Variants in CENPK observed in about 807,000 individuals in gnomAD.
CENPK encodes centromere protein K.
CENPK carries 46 observed loss-of-function variants against 40.9 expected under a neutral mutation model. The observed-to-expected ratio is 1.13, with a 90% CI of 0.89 to 1.44. The LOEUF (loss-of-function observed/expected upper bound fraction) is 1.44, where lower values mean the gene tolerates loss of function less well. Ranked by LOEUF, CENPK falls within the 40% of genes most tolerant of loss-of-function variation. The probability of loss-of-function intolerance (pLI) is 0.00; values close to 1 mark genes in which losing one functional copy is unlikely to be tolerated. For missense variants in CENPK, 288 were observed against 303.5 expected, an observed-to-expected ratio of 0.95 and a Z score of 0.38; for synonymous variants, 107 against 104.4, an observed-to-expected ratio of 1.02 and a Z score of -0.15.
intron 10 of CENPK, among the ~76,000 whole-genome samples, chr5:65,520,968 C>T (rs1162144088): frequency 1.3e-5 from 2 of 152,036 alleles, no homozygotes; most frequent in Non-Finnish European, 2.9e-5. Context: ...TATGTCAAAT[C>T]AGAGAAAGTT....
rs919152018 is a variant in CENPK at position 65,518,571 on chromosome 5, A to C, written c.714T>G (p.Phe238Leu). ...HDPYVKISDS[F>L]WPPYVELLLR... ...GCAGCAGCTCAACATAAGGTGGCCA[A>C]AAGGAATCACTAATTTTGACATATG... Residue 238 changes from phenylalanine to leucine, a missense_variant, in exon 11 of 11, where the codon TTT becomes TTG. Physicochemically the swap from Phe to Leu is conservative, Grantham distance 22. Transcript: ENST00000396679. 8 of 1,610,856 alleles carry C rather than the reference A, an allele frequency of 5.0e-6. No individual in the cohort carries two copies. The Admixed American group carries it at 1.3e-4, about 27-fold the overall frequency.
Position 65,531,544 on chromosome 5 carries a change from G to A in CENPK, c.289-2345C>T, listed in dbSNP as rs184782925. On this transcript the variant is annotated intron_variant, in intron 6 of 10. Coordinates refer to ENST00000396679, the MANE Select transcript of CENPK (RefSeq NM_022145.5). ...TTTTGAGACGGAATCTCGCTCTGTC[G>A]TTAGGCTGGAGTGCAGTGGCACTAT... 2.4e-3 allele frequency among the ~76,000 whole-genome samples: 362 copies of A among 149,132 alleles called. 2 individuals are homozygous for A. The highest frequency in any genetic ancestry group is 8.2e-3 in the African/African-American group (331 of 40,398).
intron 6 of CENPK, among the ~76,000 whole-genome samples, chr5:65,532,632 G>A (rs1423914692): frequency 6.6e-6 from 1 of 152,052 alleles, no homozygotes; most frequent in Non-Finnish European, 1.5e-5. Flanking sequence ...GTAGAGATGG[G>A]ACGGTGGTGG....
intron 2 of CENPK, among the ~76,000 whole-genome samples, chr5:65,557,981 T>C (rs1284050299): frequency 6.6e-6 from 1 of 152,194 alleles, no homozygotes; most frequent in Non-Finnish European, 1.5e-5. Flanking sequence ...AGCACATGCC[T>C]GTATTCCAAG....
chr5:65,537,056 G>T (rs898885634), intron 6 of CENPK, among the ~76,000 whole-genome samples: 2 of 152,108 alleles, frequency 1.3e-5, no homozygotes, highest in African/African-American at 4.8e-5. Context: ...CAGTAAGATG[G>T]CCTTCCCTCA....
intron 9 of CENPK, among the ~76,000 whole-genome samples, chr5:65,525,441 T>C (rs1190430178): frequency 6.6e-6 from 1 of 152,178 alleles, no homozygotes; most frequent in Non-Finnish European, 1.5e-5. Flanking sequence ...CATCCATCAA[T>C]CCATCTATTT....
At chr5:65,546,445 T>C (rs570550973) in intron 5 of CENPK, among the ~76,000 whole-genome samples, 4 of 152,240 alleles carry the variant, frequency 2.6e-5, no homozygotes, top group Non-Finnish European at 4.4e-5. Flanking sequence ...GAGGTGTCTA[T>C]GAAATATTTT....
downstream of CENPK, among the ~76,000 whole-genome samples, chr5:65,516,012 A>C (rs1742828098): frequency 6.6e-6 from 1 of 152,196 alleles, no homozygotes; most frequent in South Asian, 2.1e-4. Context: ...TGGCAAAGAG[A>C]GCAAGCTTTC....
At chr5:65,531,999 T>A (rs902907702) in intron 6 of CENPK, among the ~76,000 whole-genome samples, 3 of 152,136 alleles carry the variant, frequency 2.0e-5, no homozygotes. Context: ...AGAAGGTCAA[T>A]AAAATTAGAT....
chr5:65,557,482 C>G (rs565342146), intron 2 of CENPK, among the ~76,000 whole-genome samples: 1 of 152,308 alleles, frequency 6.6e-6, no homozygotes, highest in South Asian at 2.1e-4. Context: ...GGAACACTCA[C>G]CCTTGCAACC....
At chr5:65,515,203 A>ATTTTTTTTTTTT (rs1561603851), downstream of CENPK, among the ~76,000 whole-genome samples, 6 of 99,222 alleles carry the variant, frequency 6.0e-5, no homozygotes, top group South Asian at 3.4e-4. Context: ...ATCTCAAAAA[A>ATTTTTTTTTTTT]ATTTTTTTTT....
intron 6 of CENPK, among the ~76,000 whole-genome samples, chr5:65,540,689 T>A (rs1418605381): frequency 6.6e-6 from 1 of 152,136 alleles, no homozygotes; most frequent in Admixed American, 6.6e-5. Context: ...AGCTTCTAGA[T>A]AGCTGAACAC....
downstream of CENPK, among the ~76,000 whole-genome samples, chr5:65,516,005 C>T (rs12523328): frequency 0.2 from 30,109 of 152,174 alleles, 3,509 homozygotes; most frequent in South Asian, 0.32. Context: ...CTTCACATGG[C>T]AAAGAGAGCA....
chr5:65,529,357 G>A, intron 6 of CENPK, 158 bp from the exon 7 acceptor site: 1 of 533,314 alleles, frequency 1.9e-6, no homozygotes, highest in South Asian at 3.1e-5. Context: ...TATACAGTAG[G>A]CGCTAAATTT....
At chr5:65,513,424 C>T (rs892977839), downstream of CENPK, among the ~76,000 whole-genome samples, 2 of 152,154 alleles carry the variant, frequency 1.3e-5, no homozygotes, top group African/African-American at 4.8e-5. Flanking sequence ...TCTTCCTACC[C>T]ATGAATATGG....
intron 6 of CENPK, chr5:65,541,530 A>C (rs537579289): frequency 8.4e-5 from 37 of 441,582 alleles, no homozygotes; most frequent in African/African-American, 7.4e-4. Context: ...ACTAGGAAAA[A>C]CACTTTGTTT....
At chr5:65,545,404 G>A (rs555736946) in intron 5 of CENPK, among the ~76,000 whole-genome samples, 3 of 146,534 alleles carry the variant, frequency 2.0e-5, no homozygotes, top group Admixed American at 1.4e-4. Flanking sequence ...AAGCAAAACC[G>A]ATCAGAATGA....
At chr5:65,559,035 G>C (rs1023357194) in intron 2 of CENPK, among the ~76,000 whole-genome samples, 1 of 152,108 alleles carries the variant, frequency 6.6e-6, no homozygotes, top group Non-Finnish European at 1.5e-5. Context: ...TTTTAAGGAG[G>C]TAGACAGTGC....
chr5:65,535,080 G>A (rs1007416136), intron 6 of CENPK, among the ~76,000 whole-genome samples: 19 of 152,146 alleles, frequency 1.2e-4, no homozygotes, highest in African/African-American at 4.6e-4. Context: ...AGCCAGACAT[G>A]GTGGTGCACA....
Sources: allele counts gnomAD v4.1 joint callset (sites outside exome capture counted in the v4.1 genomes callset), GRCh38; gene constraint gnomAD v4.1.1; transcripts MANE v1.5; gene names NCBI Gene and HGNC (gene_info 2026-07-23, HGNC 2026-07-21).